The following ERC1 variants were observed in gnomAD, a reference collection of about 807,000 sequenced individuals.
The protein encoded by ERC1 is RAB6 interacting protein 2.
A neutral mutation model predicts 132.0 loss-of-function variants in ERC1; 56 were observed. That is an observed-to-expected ratio of 0.42 (90% CI 0.34 to 0.53). ERC1 has a LOEUF of 0.53. Ranked by LOEUF, ERC1 falls within the 20% of genes least tolerant of loss-of-function variation. The pLI, the probability that ERC1 is intolerant of heterozygous loss-of-function variation, is 0.03. For synonymous variants in ERC1, 478 were observed against 476.1 expected, an observed-to-expected ratio of 1.00 and a Z score of -0.05; for missense variants, 1,202 against 1,349.9, an observed-to-expected ratio of 0.89 and a Z score of 1.72.
chr12:1,351,278 T>C (rs2084970371), intron 15 of ERC1, among the ~76,000 whole-genome samples: 1 of 152,264 alleles, frequency 6.6e-6, no homozygotes. Flanking sequence ...TTTATTTCTA[T>C]AAAGTGTTGC....
chr12:1,051,576 G>A (rs1972004539), intron 2 of ERC1, among the ~76,000 whole-genome samples: 1 of 150,980 alleles, frequency 6.6e-6, no homozygotes, highest in Non-Finnish European at 1.5e-5. Flanking sequence ...AAATTAGACA[G>A]GTACAGTGGT....
intron 17 of ERC1, among the ~76,000 whole-genome samples, chr12:1,412,466 G>A (rs917726293): frequency 6.6e-6 from 1 of 152,202 alleles, no homozygotes; most frequent in Non-Finnish European, 1.5e-5. Context: ...ACGCTTAAGA[G>A]TGTAGGCTTT....
intron 6 of ERC1, among the ~76,000 whole-genome samples, chr12:1,112,743 C>A (rs1415797090): frequency 6.6e-6 from 1 of 152,046 alleles, no homozygotes; most frequent in Non-Finnish European, 1.5e-5. Context: ...CTTTAAGTCT[C>A]CAGTGAGTGA....
rs142470005 is a variant in ERC1 at position 1,119,817 on chromosome 12, T to A, written c.1569+3784T>A. On this transcript the variant is annotated intron_variant, in intron 7 of 18. Coordinates refer to ENST00000360905, the MANE Select transcript of ERC1 (RefSeq NM_178040.4). ...TGTCCTCCTCAGCCACCCAAAGTGC[T>A]GGGATTACAGGTGTGAGCCACCGCA... is the stretch of plus-strand genomic sequence containing the variant. 4.5e-3 allele frequency among the ~76,000 whole-genome samples: 687 copies of A among 152,232 alleles called. 9 individuals carry two copies. Among genetic ancestry groups the A allele is most frequent in the African/African-American group, 0.015 (624 of 41,516 alleles).
intron 12 of ERC1, among the ~76,000 whole-genome samples, chr12:1,217,974 G>A (rs145848618): frequency 2.6e-5 from 4 of 152,242 alleles, no homozygotes; most frequent in African/African-American, 4.8e-5. Flanking sequence ...TGAATTTATG[G>A]CCACAGATCT....
chr12:1,237,895 A>G (rs371818871), intron 13 of ERC1, among the ~76,000 whole-genome samples: 16 of 152,304 alleles, frequency 1.1e-4, no homozygotes, highest in African/African-American at 3.1e-4. Context: ...CGCAATTACA[A>G]TCTTTACTGG....
At chr12:1,299,115 G>C (rs2080198857) in intron 15 of ERC1, among the ~76,000 whole-genome samples, 2 of 152,104 alleles carry the variant, frequency 1.3e-5, no homozygotes, top group Non-Finnish European at 2.9e-5. Context: ...GAAACTGATA[G>C]AATTACTAAA....
intron 12 of ERC1, 135 bp downstream of exon 12, chr12:1,190,187 C>T (rs762150995): frequency 2.4e-6 from 2 of 848,508 alleles, no homozygotes; most frequent in Non-Finnish European, 4.1e-6. Flanking sequence ...GTATTAGCTG[C>T]CTTTTTTCTA....
chr12:1,109,763 A>G (rs967468439), intron 4 of ERC1, among the ~76,000 whole-genome samples: 1 of 152,136 alleles, frequency 6.6e-6, no homozygotes, highest in Non-Finnish European at 1.5e-5. Context: ...GAAGGAAGGC[A>G]CTGGCTGGGC....
At position 1,028,420 on chromosome 12, in the gene ERC1, G is replaced by A; in HGVS notation, c.517G>A (p.Glu173Lys). Residue 173 changes from glutamate to lysine, a missense_variant, in exon 2 of 19, where the codon GAA (glutamate) becomes AAA (lysine). Physicochemically the swap from Glu to Lys is moderately conservative, Grantham distance 56 (BLOSUM62 1). Transcript: ENST00000360905. ...AAATGATCTCTTGCGGAAGGATGTG[G>A]AAGTAAAGGAGAGCAAATTGAGTTC... is the stretch of plus-strand genomic sequence containing the variant. ...RENDLLRKDV[E>K]VKESKLSSSM... 4.3e-6 allele frequency: 7 copies of A among 1,614,166 alleles called. No homozygotes were observed. The highest frequency in any genetic ancestry group is 5.9e-6 in the Non-Finnish European group (7 of 1,180,022).
chr12:1,138,753 A>G (rs1290241621), intron 7 of ERC1, among the ~76,000 whole-genome samples: 2 of 152,200 alleles, frequency 1.3e-5, no homozygotes, highest in Non-Finnish European at 2.9e-5. Context: ...GCAAGGAGGC[A>G]TATGGCAAAG....
chr12:1,149,157 A>G (rs937123909), intron 8 of ERC1, among the ~76,000 whole-genome samples: 1 of 152,074 alleles, frequency 6.6e-6, no homozygotes, highest in Non-Finnish European at 1.5e-5. Context: ...TTTAAAAATT[A>G]TATAAAAATA....
intron 8 of ERC1, among the ~76,000 whole-genome samples, chr12:1,179,750 G>C (rs538637339): frequency 6.0e-4 from 92 of 152,140 alleles, no homozygotes; most frequent in Non-Finnish European, 1.2e-3. Context: ...CTCGTGATCT[G>C]CCCGCCTCGG....
chr12:1,021,042 C>T (rs149111152), intron 1 of ERC1, among the ~76,000 whole-genome samples: 5,250 of 152,170 alleles, frequency 0.035, 93 homozygotes, highest in Middle Eastern at 0.062. Context: ...CGGGTTCAAG[C>T]GATTCTTCTG....
intron 18 of ERC1, among the ~76,000 whole-genome samples, chr12:1,475,085 C>T (rs2093943879): frequency 6.6e-6 from 1 of 152,248 alleles, no homozygotes; most frequent in Non-Finnish European, 1.5e-5. Flanking sequence ...CAGAGAATTT[C>T]TGCCAGAGGC....
chr12:1,235,052 G>A (rs2075320852), intron 12 of ERC1, among the ~76,000 whole-genome samples: 2 of 152,334 alleles, frequency 1.3e-5, no homozygotes, highest in Admixed American at 1.3e-4. Flanking sequence ...TTATAAAGGA[G>A]AAGATTGATA....
rs536974128 is a variant in ERC1, at chr12:1,304,947, G to A, written c.2780+14935G>A. 2.7e-3 allele frequency among the ~76,000 whole-genome samples: 413 copies of A among 151,312 alleles called. 3 individuals carry two copies. Among genetic ancestry groups the A allele is most frequent in the Middle Eastern group, 0.017 (5 of 292 alleles). ...TGGGACTACAGGCGCCCGCCCCCAC[G>A]CCCGGCTAATTTTTTGTATTTTTAG... On this transcript the variant is annotated intron_variant, in intron 15 of 18. Transcript: ENST00000360905.
At chr12:1,487,543 A>AAAAAAAAAAAAG (rs1215152993) in intron 18 of ERC1, among the ~76,000 whole-genome samples, 2 of 151,032 alleles carry the variant, frequency 1.3e-5, no homozygotes, top group Non-Finnish European at 3.0e-5. Context: ...CACCTCTAAA[A>AAAAAAAAAAAAG]AAGAAAAAGA....
intron 3 of ERC1, among the ~76,000 whole-genome samples, chr12:1,102,014 G>T (rs765615308): frequency 3.9e-5 from 6 of 152,172 alleles, no homozygotes; most frequent in Admixed American, 6.5e-5. Flanking sequence ...GATGTTCCAA[G>T]GACAGGAATT....
Sources: allele counts gnomAD v4.1 joint callset (sites outside exome capture counted in the v4.1 genomes callset), GRCh38; gene constraint gnomAD v4.1.1; transcripts MANE v1.5; gene names NCBI Gene and HGNC (gene_info 2026-07-23, HGNC 2026-07-21).